The following AKAP13 variants were observed in gnomAD, a reference collection of about 807,000 sequenced individuals.
The protein encoded by AKAP13 is A-kinase anchor protein 13.
Under a neutral mutation model 264.5 loss-of-function variants are expected in AKAP13, and 80 were observed. The observed-to-expected ratio is 0.30, with a 90% confidence interval of 0.25 to 0.36. AKAP13 has a LOEUF of 0.36. AKAP13 is among the 10% of genes least tolerant of loss of function. The pLI, the probability that AKAP13 is intolerant of heterozygous loss-of-function variation, is 1.00. For synonymous variants in AKAP13, 1,380 were observed against 1,250.2 expected (o/e 1.10, Z -2.19); for missense variants, 3,712 against 3,435.2 (o/e 1.08, Z -2.01).
chr15:85,406,287 G>C (rs1482738762), intron 1 of AKAP13, among the ~76,000 whole-genome samples: 3 of 152,174 alleles, frequency 2.0e-5, no homozygotes, highest in African/African-American at 7.2e-5. Context: ...CCTGAGTGAA[G>C]AGTGAAGGGA....
intron 16 of AKAP13, 169 bp from the exon 17 acceptor site, chr15:85,693,107 AC>A (rs1311783365): frequency 8.3e-7 from 1 of 1,204,422 alleles, no homozygotes; most frequent in Non-Finnish European, 1.1e-6. Context: ...TTGCGTGCCA[AC>A]GCCTTAATTT....
chr15:85,740,680 C>G, intron 34 of AKAP13: 1 of 326,328 alleles, frequency 3.1e-6, no homozygotes, highest in Non-Finnish European at 5.7e-6. Flanking sequence ...CACTTCCTTT[C>G]TTGAAGATCT....
intron 1 of AKAP13, among the ~76,000 whole-genome samples, chr15:85,469,704 C>T (rs1373232835): frequency 2.0e-5 from 3 of 152,142 alleles, no homozygotes; most frequent in Non-Finnish European, 4.4e-5. Context: ...ACATTAGACC[C>T]CTGAACAGAG....
intron 7 of AKAP13, 49 bp from the exon 8 acceptor site, chr15:85,585,653 C>T (rs1282401599): frequency 6.2e-7 from 1 of 1,611,154 alleles, no homozygotes; most frequent in Admixed American, 1.7e-5. Context: ...TAGTAAGGCA[C>T]AGGAATCAGT....
chr15:85,385,769 T>TA (rs2070527586), intron 1 of AKAP13, among the ~76,000 whole-genome samples: 2 of 152,248 alleles, frequency 1.3e-5, no homozygotes, highest in South Asian at 4.1e-4. Flanking sequence ...TGGAATCAAA[T>TA]ACATGATTTG....
intron 30 of AKAP13, among the ~76,000 whole-genome samples, chr15:85,734,533 C>A (rs2088297638): frequency 6.6e-6 from 1 of 152,006 alleles, no homozygotes. Context: ...GTGAGCCATA[C>A]CCTAGAAAAG....
intron 8 of AKAP13, among the ~76,000 whole-genome samples, chr15:85,610,197 G>A (rs1298247198): frequency 5.9e-5 from 9 of 152,190 alleles, no homozygotes; most frequent in Admixed American, 5.2e-4. Context: ...GTAAATGTCA[G>A]CATTGTTTCC....
rs145787882 is a variant in AKAP13, at chr15:85,444,706, G to A, written c.-11-41004G>A. On this transcript the variant is annotated intron_variant, in intron 1 of 36. Transcript: ENST00000394518. ...GGCCACAGAGGCTTTTGTGGGAAGG[G>A]GATTGTAATTTAGTTAAAATTTAGT... Among the ~76,000 whole-genome samples the A allele has an allele frequency of 8.7e-3, 1,325 of 152,214 alleles. 15 individuals carry two copies. Among genetic ancestry groups the A allele is most frequent in the African/African-American group, 0.031 (1,270 of 41,540 alleles).
chr15:85,438,695 C>T (rs1430510909), intron 1 of AKAP13, among the ~76,000 whole-genome samples: 2 of 150,904 alleles, frequency 1.3e-5, no homozygotes, highest in Non-Finnish European at 3.0e-5. Flanking sequence ...TTTGACAAAC[C>T]TGAGAAAAAC....
intron 5 of AKAP13, among the ~76,000 whole-genome samples, chr15:85,556,158 C>T (rs924366799): frequency 2.0e-5 from 3 of 152,160 alleles, no homozygotes; most frequent in African/African-American, 7.2e-5. Context: ...TCTCAGTTTC[C>T]ACACATGCAA....
intron 5 of AKAP13, among the ~76,000 whole-genome samples, chr15:85,553,510 C>G (rs193086455): frequency 4.6e-5 from 7 of 152,314 alleles, no homozygotes; most frequent in Non-Finnish European, 7.4e-5. Flanking sequence ...TTTTAACTGT[C>G]AAACTATTTA....
At chr15:85,483,128 G>A (rs1002075668) in intron 1 of AKAP13, among the ~76,000 whole-genome samples, 1 of 152,190 alleles carries the variant, frequency 6.6e-6, no homozygotes, top group African/African-American at 2.4e-5. Context: ...CCAGTGTGGC[G>A]GGAACCATTC....
At chr15:85,519,212 G>T (rs2076721081) in intron 2 of AKAP13, among the ~76,000 whole-genome samples, 1 of 152,082 alleles carries the variant, frequency 6.6e-6, no homozygotes, top group African/African-American at 2.4e-5. Context: ...ATGGATGATG[G>T]GTAAATGAAT....
intron 1 of AKAP13, among the ~76,000 whole-genome samples, chr15:85,429,256 A>C (rs528166227): frequency 6.6e-6 from 1 of 152,070 alleles, no homozygotes; most frequent in Non-Finnish European, 1.5e-5. Flanking sequence ...TGAGTTCCTA[A>C]TTTGGAATCA....
chr15:85,602,159 C>T (rs1470068719), intron 8 of AKAP13, among the ~76,000 whole-genome samples: 4 of 151,802 alleles, frequency 2.6e-5, no homozygotes, highest in African/African-American at 9.7e-5. Context: ...AAGCTACTTT[C>T]GGTATGCAAT....
chr15:85,451,332 C>T (rs2074082183), intron 1 of AKAP13, among the ~76,000 whole-genome samples: 2 of 152,126 alleles, frequency 1.3e-5, no homozygotes, highest in Admixed American at 1.3e-4. Context: ...ATCCTTGCCA[C>T]TTTGTGCCTT....
At chr15:85,719,014 T>G in intron 22 of AKAP13, 62 bp from the exon 23 acceptor site, 2 of 1,589,572 alleles carry the variant, frequency 1.3e-6, no homozygotes, top group Non-Finnish European at 1.7e-6. Context: ...CAGCAGATGA[T>G]CTTTGAGGGC....
intron 10 of AKAP13, among the ~76,000 whole-genome samples, chr15:85,647,707 A>T (rs1003664155): frequency 6.6e-6 from 1 of 152,158 alleles, no homozygotes; most frequent in African/African-American, 2.4e-5. Context: ...GTACTTTGGG[A>T]GGCTGAGGCG....
At chr15:85,540,479 A>G (rs981883087) in intron 4 of AKAP13, among the ~76,000 whole-genome samples, 1 of 152,228 alleles carries the variant, frequency 6.6e-6, no homozygotes, top group African/African-American at 2.4e-5. Flanking sequence ...CCACAATCCT[A>G]AAGCACAGTT....
Sources: allele counts gnomAD v4.1 joint callset (sites outside exome capture counted in the v4.1 genomes callset), GRCh38; gene constraint gnomAD v4.1.1; transcripts MANE v1.5; gene names NCBI Gene and HGNC (gene_info 2026-07-23, HGNC 2026-07-21).